Variants in CPSF3 observed in about 807,000 individuals in gnomAD.
CPSF3 encodes cleavage and polyadenylation specificity factor subunit 3.
A neutral mutation model predicts 84.1 loss-of-function variants in CPSF3; 57 were observed. The ratio of observed to expected loss-of-function variants is 0.68; its 90% CI spans 0.55 to 0.85. The LOEUF (loss-of-function observed/expected upper bound fraction) is 0.85. Among genes scored for constraint, CPSF3 ranks in the 40% least tolerant of loss-of-function variants. The pLI is 0.00. For synonymous variants in CPSF3, 275 were observed against 278.1 expected, an observed-to-expected ratio of 0.99 and a Z score of 0.11; for missense variants, 522 against 838.8, an observed-to-expected ratio of 0.62 and a Z score of 4.66.
rs70948816 is a variant in CPSF3 at position 9,436,774 on chromosome 2, A to AAAT, written c.760+433_760+435dup. Among the ~76,000 whole-genome samples the AAAT allele has an allele frequency of 2.9e-3, 414 of 143,032 alleles. 2 individuals carry two copies. Among genetic ancestry groups the AAAT allele is most frequent in the Middle Eastern group, 0.022 (6 of 272 alleles). 93.8% of individuals were successfully genotyped at this position (143,032 alleles called of 152,430 possible). On this transcript the variant is annotated intron_variant, in intron 7 of 17. Transcript: ENST00000238112. The stretch of plus-strand genomic sequence containing the variant: ...CGACAGAGCGAGACTCCATCTCAAA[A>AAAT]AATAATAATAATAATAATAATAGGG...
At chr2:9,449,003 C>T (rs1681224273) in intron 11 of CPSF3, among the ~76,000 whole-genome samples, 1 of 152,148 alleles carries the variant, frequency 6.6e-6, no homozygotes, top group Admixed American at 6.5e-5. Context: ...TGTCATTCTC[C>T]CTGAGAATCT....
At chr2:9,438,564 A>G (rs1379920268) in intron 7 of CPSF3, among the ~76,000 whole-genome samples, 1 of 136,078 alleles carries the variant, frequency 7.3e-6, no homozygotes, top group Non-Finnish European at 1.5e-5. Flanking sequence ...TGGTGGCGCT[A>G]TCTCGGCTTG....
chr2:9,424,803 G>C (rs1231268568), intron 1 of CPSF3: 1 of 152,152 alleles, frequency 6.6e-6, no homozygotes, highest in Non-Finnish European at 1.5e-5. Flanking sequence ...AGTGCACAGT[G>C]GGAAATATTG....
At chr2:9,467,125 G>A (rs1682007214) in intron 15 of CPSF3, among the ~76,000 whole-genome samples, 2 of 152,188 alleles carry the variant, frequency 1.3e-5, no homozygotes. Flanking sequence ...GCACTGAGTT[G>A]TTGAATGAGG....
chr2:9,467,911 C>A, intron 16 of CPSF3, 135 bp downstream of exon 16: 1 of 664,022 alleles, frequency 1.5e-6, no homozygotes, highest in Non-Finnish European at 2.6e-6. Context: ...GCCTGCTTCT[C>A]TGTTAGGAAA....
At chr2:9,437,341 T>A (rs1680819407) in intron 7 of CPSF3, among the ~76,000 whole-genome samples, 1 of 151,998 alleles carries the variant, frequency 6.6e-6, no homozygotes, top group Non-Finnish European at 1.5e-5. Flanking sequence ...GAGGCAGAGG[T>A]TGCAGTGAGC....
chr2:9,436,411 A>G (rs1680783820), intron 7 of CPSF3, 50 bp downstream of exon 7: 38 of 1,553,898 alleles, frequency 2.4e-5, no homozygotes, highest in Non-Finnish European at 3.0e-5. Flanking sequence ...TTGTCATTTT[A>G]TCAAGATAAT....
rs377187511 is a variant in CPSF3 at position 9,466,319 on chromosome 2, C to T, written c.1787-1388C>T. The stretch of plus-strand genomic sequence containing the variant: ...ACGCATGCACACGCACACTGACGCA[C>T]GCACACAGACGCACGCACACACGCG... On this transcript the variant is annotated intron_variant, in intron 15 of 17. Coordinates refer to ENST00000238112, the MANE Select transcript of CPSF3 (RefSeq NM_016207.4). Among the ~76,000 whole-genome samples, 58 of 104,234 alleles carry T rather than the reference C, an allele frequency of 5.6e-4. 1 individual carries two copies. The East Asian group carries it at 9.4e-3, about 17-fold the overall frequency. The allele number at this position is 104,234 out of a possible 152,430, so 68.4% of individuals were successfully genotyped here. A position where few individuals can be genotyped will look rare whatever the true frequency, so the allele number is the denominator to read the frequency against.
At chr2:9,461,865 G>A (rs1355522416) in intron 15 of CPSF3, among the ~76,000 whole-genome samples, 2 of 150,406 alleles carry the variant, frequency 1.3e-5, no homozygotes, top group Non-Finnish European at 3.0e-5. Context: ...GGGTTCAAGC[G>A]ATTCTCCTGC....
Position 9,459,598 on chromosome 2 carries a change from C to T in CPSF3, c.1766C>T (p.Ser589Leu), listed in dbSNP as rs757238053. 2.2e-5 allele frequency: 23 copies of T among 1,028,246 alleles called. No homozygotes were observed. Among genetic ancestry groups the T allele is most frequent in the Admixed American group, 1.2e-4 (6 of 49,738 alleles). The allele number at this position is 1,028,246 out of a possible 1,614,324, so 63.7% of individuals were successfully genotyped here. ...TVTTVILEVQ[S>L]NPKIRKGAVQ... is the part of the protein sequence containing the mutation. ...ACAACTGTGATATTGGAAGTTCAGTCAAATCCCAAAATAAGAAAAGGTAAG... is the reference window on the plus strand; with the variant it reads ...ACAACTGTGATATTGGAAGTTCAGTTAAATCCCAAAATAAGAAAAGGTAAG... Residue 589 changes from serine to leucine, a missense_variant, in exon 15 of 18, where the codon TCA becomes TTA. Physicochemically the swap from Ser to Leu is moderately radical, Grantham distance 145. Transcript: ENST00000238112.
chr2:9,423,842 A>T lies in CPSF3; in HGVS notation c.50+19A>T, dbSNP rs781664592. The T allele has an allele frequency of 1.9e-6, 3 of 1,608,676 alleles. No homozygotes were observed. In the South Asian group the frequency reaches 3.3e-5, roughly 18 times the overall value. The stretch of plus-strand genomic sequence containing the variant: ...GACCCCTGTAAGGGACCAGCGAGAG[A>T]GGGAATGAAGCCACGGGCTGTGAGG... On this transcript the variant is annotated intron_variant, in intron 1 of 17. Coordinates refer to ENST00000238112, the MANE Select transcript of CPSF3 (RefSeq NM_016207.4).
At chr2:9,466,265 AAGACGCACGCACACACGTGCGCACAC>A (rs1394371624) in intron 15 of CPSF3, among the ~76,000 whole-genome samples, 2 of 36,888 alleles carry the variant, frequency 5.4e-5, no homozygotes, top group Non-Finnish European at 1.8e-4. Flanking sequence ...CACGCACACA[AAGACGCACGCACACACGTGCGCACAC>A]AGACGCATGC....
At chr2:9,466,595 C>CTAAATAAA (rs61442524) in intron 15 of CPSF3, among the ~76,000 whole-genome samples, 5 of 151,868 alleles carry the variant, frequency 3.3e-5, no homozygotes, top group African/African-American at 1.2e-4. Context: ...GACCCTGTCT[C>CTAAATAAA]TAAATAAATA....
At chr2:9,457,412 C>T (rs1478478802) in intron 14 of CPSF3, among the ~76,000 whole-genome samples, 1 of 152,016 alleles carries the variant, frequency 6.6e-6, no homozygotes, top group Non-Finnish European at 1.5e-5. Flanking sequence ...TAAATTAAAA[C>T]AAACTTAGGT....
At chr2:9,458,232 C>G (rs1382834235) in intron 14 of CPSF3, among the ~76,000 whole-genome samples, 1 of 151,732 alleles carries the variant, frequency 6.6e-6, no homozygotes, top group East Asian at 2.0e-4. Context: ...GGTGAAAACC[C>G]GTCTCTACTA....
At chr2:9,431,567 C>T (rs1170944340) in intron 4 of CPSF3, among the ~76,000 whole-genome samples, 9 of 117,332 alleles carry the variant, frequency 7.7e-5, no homozygotes, top group Admixed American at 2.9e-4. Context: ...TTTTTTGAGA[C>T]GGAGTCTTGT....
chr2:9,472,742 C>A (rs1682220010), intron 17 of CPSF3, among the ~76,000 whole-genome samples, 174 bp from the exon 18 acceptor site: 1 of 152,174 alleles, frequency 6.6e-6, no homozygotes. Flanking sequence ...CAGCCTCAAC[C>A]TTCCCGGCTC....
At chr2:9,430,907 G>T in intron 4 of CPSF3, 27 bp downstream of exon 4, 1 of 1,597,332 alleles carries the variant, frequency 6.3e-7, no homozygotes, top group South Asian at 1.1e-5. Flanking sequence ...GATTATACAC[G>T]ACTTTGGCTC....
Position 9,457,027 on chromosome 2 carries a change from A to G in CPSF3, c.1698A>G (p.Glu566=), listed in dbSNP as rs776102023. The change falls in exon 14 of 18, where the codon GAA becomes GAG. Residue 566 remains glutamate (E), a splice_region_variant and synonymous_variant. Coordinates refer to ENST00000238112, the MANE Select transcript of CPSF3 (RefSeq NM_016207.4). ...AAGAACCAGGCATGGTGGTATTAGA[A>G]GTAAGAAAAGATCATTTACCTAAAC... ...VIQEPGMVVL[E]WLANPSNDMY... 3.2e-6 allele frequency: 5 copies of G among 1,549,866 alleles called. No homozygotes were observed. In the East Asian group the frequency reaches 6.8e-5, roughly 21 times the overall value.
Sources: allele counts gnomAD v4.1 joint callset (sites outside exome capture counted in the v4.1 genomes callset), GRCh38; gene constraint gnomAD v4.1.1; transcripts MANE v1.5; gene names NCBI Gene and HGNC (gene_info 2026-07-23, HGNC 2026-07-21).